Variants in TAPBPL observed in about 807,000 individuals in gnomAD.
TAPBPL encodes the protein tapasin-related protein.
A neutral mutation model predicts 44.8 loss-of-function variants in TAPBPL; 32 were observed. The observed-to-expected ratio is 0.71, with a 90% CI of 0.54 to 0.96. The LOEUF is 0.96. Among genes scored for constraint, TAPBPL ranks in the 40% least tolerant of loss-of-function variants. TAPBPL has a pLI of 0.00. For synonymous variants in TAPBPL, 230 were observed against 240.7 expected (o/e 0.96, Z 0.41); for missense variants, 520 against 586.6 (o/e 0.89, Z 1.17).
chr12:6,470,650 C>T (rs894154939), downstream of TAPBPL: 8 of 1,355,772 alleles, frequency 5.9e-6, no homozygotes, highest in Non-Finnish European at 7.3e-6. Context: ...GCCGACTACC[C>T]CGCGGTCTAG....
At chr12:6,471,275 A>T (rs764840934), downstream of TAPBPL, among the ~76,000 whole-genome samples, 15 of 152,138 alleles carry the variant, frequency 9.9e-5, no homozygotes, top group Non-Finnish European at 1.8e-4. The surrounding 1 kb of genome is among the most constrained non-coding windows in gnomAD (Gnocchi z 4.0). Context: ...TTCTTTCAAC[A>T]TAGCCTTCCT....
chr12:6,469,706 T>C (rs2058288), downstream of TAPBPL, among the ~76,000 whole-genome samples: 38,229 of 152,104 alleles, frequency 0.25, 5,488 homozygotes, highest in South Asian at 0.35. Flanking sequence ...AAATCTGTAT[T>C]AGACATATTG....
At chr12:6,464,009 C>T (rs1328425506), downstream of TAPBPL, 6 of 1,292,456 alleles carry the variant, frequency 4.6e-6, no homozygotes, top group East Asian at 1.6e-4. Flanking sequence ...GAAAGCTCCA[C>T]ATGACCAGGC....
At chr12:6,457,848 G>A (rs1346360585) in intron 4 of TAPBPL, 104 bp downstream of exon 4, 7 of 1,273,224 alleles carry the variant, frequency 5.5e-6, no homozygotes, top group Non-Finnish European at 7.4e-6. Context: ...TGAGAAGCAG[G>A]CTTCAATCCC....
intron 5 of TAPBPL, among the ~76,000 whole-genome samples, chr12:6,459,416 T>C (rs1263854941): frequency 6.6e-6 from 1 of 152,162 alleles, no homozygotes; most frequent in East Asian, 1.9e-4. Flanking sequence ...TTAGGGTATA[T>C]GGGAAAAAGG....
intron 1 of TAPBPL, 148 bp downstream of exon 1, chr12:6,452,460 C>G (rs1592126338): frequency 4.9e-6 from 7 of 1,415,862 alleles, no homozygotes; most frequent in Non-Finnish European, 6.5e-6. Context: ...CAGCGGCTGG[C>G]AAAGGAAGGA....
At chr12:6,457,774 A>G in intron 4 of TAPBPL, 30 bp downstream of exon 4, 1 of 1,531,382 alleles carries the variant, frequency 6.5e-7, no homozygotes, top group Non-Finnish European at 8.8e-7. Context: ...ATCCCAGGGA[A>G]GGGGATATAA....
downstream of TAPBPL, among the ~76,000 whole-genome samples, chr12:6,470,038 G>T (rs1463715794): frequency 2.6e-5 from 4 of 152,188 alleles, no homozygotes; most frequent in East Asian, 1.9e-4. Context: ...CTGCCATGAG[G>T]GGGGCTAGAC....
In TAPBPL at chr12:6,453,258, C is replaced by A. The variant is rs1461017331; in HGVS notation, c.256C>A (p.Leu86Met). 6.2e-7 allele frequency: 1 copy of A among 1,614,098 alleles called. No homozygotes were observed. Among genetic ancestry groups the A allele is most frequent in the Non-Finnish European group, 8.5e-7 (1 of 1,179,996 alleles). ...EDFTDFQGGT[L>M]AQDDPPIIFE... ...CTTCACCGATTTCCAAGGGGGCACA[C>A]TGGCCCAAGATGACCCACCTATTAT... Residue 86 changes from leucine (L) to methionine (M), a missense_variant, in exon 2 of 7, where the codon CTG (leucine) becomes ATG (methionine). Coordinates refer to ENST00000266556, the MANE Select transcript of TAPBPL (RefSeq NM_018009.5). The surrounding 1 kb of genome is among the most constrained non-coding windows in gnomAD (Gnocchi z 4.8).
chr12:6,457,388 C>A lies in TAPBPL; in HGVS notation c.566-18C>A. On this transcript the variant is annotated intron_variant, in intron 3 of 6. Transcript: ENST00000266556. ...GGAGGAAGTAGCCCACAAATCACCCCTCTTTTCCTCTTCACAGTGGAGTTC... is the reference window on the plus strand; with the variant it reads ...GGAGGAAGTAGCCCACAAATCACCCATCTTTTCCTCTTCACAGTGGAGTTC... The A allele has an allele frequency of 6.2e-7, 1 of 1,603,906 alleles. No individual in the cohort carries two copies. Among genetic ancestry groups the A allele is most frequent in the Non-Finnish European group, 8.5e-7 (1 of 1,172,914 alleles).
Position 6,453,733 on chromosome 12 carries a change from C to T in TAPBPL, c.565+17C>T, listed in dbSNP as rs148311797. 4,781 of 1,572,414 alleles carry T rather than the reference C, an allele frequency of 3.0e-3. 12 individuals are homozygous for T. Among genetic ancestry groups the T allele is most frequent in the Non-Finnish European group, 3.8e-3 (4,385 of 1,159,612 alleles). On this transcript the variant is annotated intron_variant, in intron 3 of 6. Transcript: ENST00000266556. The surrounding 1 kb of genome is among the most constrained non-coding windows in gnomAD (Gnocchi z 4.8). Reference sequence around the variant, plus strand: ...GAACTGCAGGTAAGAAAATGAAAAGCAAGGCCAGGTGTGGTGGCTCACGCC... The same window carrying T: ...GAACTGCAGGTAAGAAAATGAAAAGTAAGGCCAGGTGTGGTGGCTCACGCC...
At position 6,453,657 on chromosome 12, in the gene TAPBPL, C is replaced by T. The variant is rs2041387; in HGVS notation, c.506C>T (p.Ala169Val). The T allele has an allele frequency of 0.29, 468,669 of 1,612,930 alleles. 69,395 individuals carry two copies. The highest frequency in any genetic ancestry group is 0.34 in the South Asian group (31,145 of 91,030). ...MKTPRVTKNE[A>V]LWHPTLNLPL... is the part of the protein sequence containing the mutation. ...ACTCCCAGGGTCACCAAGAATGAGGCGCTCTGGCACCCGACGCTGAACTTG... is the reference window on the plus strand; with the variant it reads ...ACTCCCAGGGTCACCAAGAATGAGGTGCTCTGGCACCCGACGCTGAACTTG... The change falls in exon 3 of 7, where the codon GCG (alanine) becomes GTG (valine). Residue 169 changes from alanine (A) to valine (V), a missense_variant. Transcript: ENST00000266556. This position sits in a 1 kb window ranked among gnomAD's most constrained non-coding sequence, Gnocchi z 4.8.
chr12:6,462,926 A>T, downstream of TAPBPL: 1 of 1,561,882 alleles, frequency 6.4e-7, no homozygotes, highest in Non-Finnish European at 8.7e-7. Context: ...TGCTGCATGG[A>T]AAGTGGGCAT....
downstream of TAPBPL, chr12:6,464,577 A>G: frequency 6.8e-7 from 1 of 1,463,728 alleles, no homozygotes; most frequent in East Asian, 2.5e-5. Context: ...CCAGACATTC[A>G]GGTCTCTCCA....
At chr12:6,459,632 C>A (rs1319202360) in intron 5 of TAPBPL, among the ~76,000 whole-genome samples, 1 of 152,146 alleles carries the variant, frequency 6.6e-6, no homozygotes, top group African/African-American at 2.4e-5. Context: ...AACAGGCAAC[C>A]GGATTCCCCT....
At chr12:6,456,538 A>G (rs1472456203) in intron 3 of TAPBPL, among the ~76,000 whole-genome samples, 1 of 150,408 alleles carries the variant, frequency 6.6e-6, no homozygotes, top group Non-Finnish European at 1.5e-5. Flanking sequence ...TAATTTTTGT[A>G]TTTTTAGTAG....
chr12:6,452,364 C>T (rs1949571468), intron 1 of TAPBPL, 52 bp downstream of exon 1: 1 of 1,543,998 alleles, frequency 6.5e-7, no homozygotes, highest in African/African-American at 1.4e-5. Context: ...ACTGAAGCCC[C>T]AGGGTGCCAC....
downstream of TAPBPL, chr12:6,464,930 C>A: frequency 6.2e-7 from 1 of 1,613,916 alleles, no homozygotes; most frequent in East Asian, 2.2e-5. Context: ...TGGCTCCCAG[C>A]ATGATCATCA....
intron 6 of TAPBPL, among the ~76,000 whole-genome samples, chr12:6,461,633 A>C (rs988809931): frequency 6.6e-6 from 1 of 152,196 alleles, no homozygotes; most frequent in Non-Finnish European, 1.5e-5. Flanking sequence ...GTATGAAACA[A>C]AGGCCCTCAG....
Sources: gnomAD v4.1 joint callset for allele counts (sites outside exome capture counted in the v4.1 genomes callset) on GRCh38, gnomAD v4.1.1 for gene constraint, Gnocchi (gnomAD v3.1) non-coding constraint, MANE v1.5 for transcripts, NCBI Gene and HGNC (gene_info 2026-07-23, HGNC 2026-07-21) for gene names.